SUMF1: variants seen among roughly 807,000 people sequenced by gnomAD.
SUMF1 encodes the protein sulfatase modifying factor 1, also known as formylglycine-generating enzyme.
Under a neutral mutation model 47.6 loss-of-function variants are expected in SUMF1, and 48 were observed. The observed-to-expected ratio is 1.01, with a 90% CI of 0.80 to 1.28. The LOEUF is 1.28. Among genes scored for constraint, SUMF1 ranks in the 50% most tolerant of loss-of-function variants. The pLI, the probability that SUMF1 is intolerant of heterozygous loss-of-function variation, is 0.00. For missense variants in SUMF1, 571 were observed against 485.4 expected (o/e 1.18, Z -1.66); for synonymous variants, 230 against 192.1 (o/e 1.20, Z -1.63).
intron 8 of SUMF1, among the ~76,000 whole-genome samples, chr3:4,236,292 T>C (rs1696407812): frequency 6.6e-6 from 1 of 152,120 alleles, no homozygotes; most frequent in Non-Finnish European, 1.5e-5. Flanking sequence ...CTTTCTCATA[T>C]TCATATTGAT....
intron 9 of SUMF1, among the ~76,000 whole-genome samples, chr3:4,049,240 C>T (rs1695060968): frequency 6.6e-6 from 1 of 152,136 alleles, no homozygotes; most frequent in Non-Finnish European, 1.5e-5. Flanking sequence ...TTTCCAGTTG[C>T]CATGGCAGAA....
intron 7 of SUMF1, among the ~76,000 whole-genome samples, chr3:4,402,981 C>A (rs927610938): frequency 6.6e-6 from 1 of 152,188 alleles, no homozygotes; most frequent in African/African-American, 2.4e-5. Context: ...AGATACTGTT[C>A]TTCATTACTA....
At chr3:4,301,376 T>C (rs980535346) in intron 8 of SUMF1, among the ~76,000 whole-genome samples, 10 of 152,184 alleles carry the variant, frequency 6.6e-5, no homozygotes, top group Admixed American at 2.6e-4. Context: ...TAAGACAGAA[T>C]ATAGAAGGTA....
At chr3:4,284,466 AGGAGGAGAAGGAGGAGG>A (rs1697591476) in intron 8 of SUMF1, among the ~76,000 whole-genome samples, 1 of 144,054 alleles carries the variant, frequency 6.9e-6, no homozygotes, top group Non-Finnish European at 1.6e-5. Flanking sequence ...GAGGAGGAGG[AGGAGGAGAAGGAGGAGG>A]AGGAGGAGAG....
At chr3:4,163,660 G>A (rs1015514371) in intron 8 of SUMF1, among the ~76,000 whole-genome samples, 2 of 151,428 alleles carry the variant, frequency 1.3e-5, no homozygotes, top group Admixed American at 6.6e-5. Context: ...AAAGGTAAGT[G>A]CCATGCTCAA....
chr3:4,180,166 C>T lies in SUMF1; in HGVS notation c.1015-111421G>A, dbSNP rs147671654. Among the ~76,000 whole-genome samples the T allele has an allele frequency of 1.2e-4, 19 of 152,278 alleles. No individual in the cohort carries two copies. The East Asian group carries it at 2.7e-3, about 22-fold the overall frequency. ...CCTCAAGGATCTAGAACTAGAATTACCATTTAACCCAGCAATCCCATTACT... is the reference window on the plus strand; with the variant it reads ...CCTCAAGGATCTAGAACTAGAATTATCATTTAACCCAGCAATCCCATTACT... On this transcript the variant is annotated intron_variant and NMD_transcript_variant, in intron 8 of 12. Transcript: ENST00000448413.
intron 8 of SUMF1, among the ~76,000 whole-genome samples, chr3:4,217,509 AT>A (rs1211193043): frequency 1.4e-5 from 1 of 71,078 alleles, no homozygotes; most frequent in African/African-American, 8.4e-5. Flanking sequence ...AACTTAAAGT[AT>A]TTTTTATATA....
chr3:4,308,733 A>C (rs1237524106), intron 8 of SUMF1, among the ~76,000 whole-genome samples: 2 of 152,212 alleles, frequency 1.3e-5, no homozygotes, highest in Non-Finnish European at 2.9e-5. Context: ...GACCATAGTC[A>C]CAGAGTTTTC....
intron 8 of SUMF1, among the ~76,000 whole-genome samples, chr3:4,171,874 A>T (rs747078004): frequency 2.6e-5 from 4 of 152,128 alleles, no homozygotes; most frequent in Non-Finnish European, 5.9e-5. Flanking sequence ...GAAGGTGTAG[A>T]GAGGAATGAG....
intron 8 of SUMF1, among the ~76,000 whole-genome samples, chr3:4,214,930 G>A (rs62258067): frequency 4.6e-3 from 704 of 151,946 alleles, no homozygotes; most frequent in Non-Finnish European, 6.7e-3. Context: ...AAAAAGTTCC[G>A]GGACCATATG....
At chr3:4,370,956 C>A (rs912759497) in intron 8 of SUMF1, among the ~76,000 whole-genome samples, 1 of 152,130 alleles carries the variant, frequency 6.6e-6, no homozygotes, top group South Asian at 2.1e-4. Context: ...AAGAATTAAA[C>A]CCTAAAAAGC....
At chr3:4,358,830 T>A (rs1459205934), downstream of SUMF1, among the ~76,000 whole-genome samples, 1 of 152,182 alleles carries the variant, frequency 6.6e-6, no homozygotes, top group Non-Finnish European at 1.5e-5. Flanking sequence ...TGATCTCCAT[T>A]AGAAGCATAT....
chr3:4,436,958 T>A (rs1702423470), intron 3 of SUMF1, among the ~76,000 whole-genome samples: 1 of 152,134 alleles, frequency 6.6e-6, no homozygotes, highest in Admixed American at 6.5e-5. Flanking sequence ...ATAATGCCTT[T>A]AGTGTGCCAA....
intron 8 of SUMF1, among the ~76,000 whole-genome samples, chr3:4,312,713 A>AAC (rs1394918161): frequency 6.6e-6 from 1 of 151,610 alleles, no homozygotes; most frequent in African/African-American, 2.4e-5. Context: ...TAAAAAAAAA[A>AAC]AAAAAAAACT....
Position 4,046,643 on chromosome 3 carries a change from C to T in SUMF1, c.1191+21926G>A, listed in dbSNP as rs148322393. Among the ~76,000 whole-genome samples, 71 of 152,262 alleles carry T rather than the reference C, an allele frequency of 4.7e-4. 1 individual carries two copies. The highest frequency in any genetic ancestry group is 1.4e-3 in the African/African-American group (57 of 41,546). On this transcript the variant is annotated intron_variant and NMD_transcript_variant, in intron 9 of 12. Transcript: ENST00000448413. ...TCTTTCCCAGCATCCTGCAAAATCTCGCTCCAAATATAGCTCCAGTTTGTC... is the reference window on the plus strand; with the variant it reads ...TCTTTCCCAGCATCCTGCAAAATCTTGCTCCAAATATAGCTCCAGTTTGTC...
chr3:4,457,056 G>A (rs2079673164), intron 1 of SUMF1, among the ~76,000 whole-genome samples: 1 of 99,536 alleles, frequency 1.0e-5, no homozygotes, highest in Non-Finnish European at 2.5e-5. Context: ...ATATACGTGT[G>A]TGTATATATA....
intron 8 of SUMF1, among the ~76,000 whole-genome samples, chr3:4,332,867 C>T (rs1334062154): frequency 6.6e-6 from 1 of 152,110 alleles, no homozygotes; most frequent in African/African-American, 2.4e-5. Flanking sequence ...TGCCGCCTAT[C>T]CTGTACCCAT....
intron 8 of SUMF1, among the ~76,000 whole-genome samples, chr3:4,174,099 G>A (rs1262446635): frequency 6.6e-6 from 1 of 152,088 alleles, no homozygotes; most frequent in Non-Finnish European, 1.5e-5. Context: ...GCTCACGCCT[G>A]TAATCCCAGC....
rs1346873498 is a variant in SUMF1 at position 4,418,112 on chromosome 3, T to C, written c.623A>G (p.His208Arg). 2 of 1,613,762 alleles carry C rather than the reference T, an allele frequency of 1.2e-6. No homozygotes were observed. Among genetic ancestry groups the C allele is most frequent in the Non-Finnish European group, 1.7e-6 (2 of 1,179,900 alleles). ...ILHRPDHPVLHVSWNDAVAYC... is the reference protein window; with the variant it reads ...ILHRPDHPVLRVSWNDAVAYC... The stretch of plus-strand genomic sequence containing the variant: ...GGCAACCGCATCATTCCAGGACACA[T>C]GGAGAACTGGATGATCCGGCCTGGG... The change falls in exon 5 of 9, where the codon CAT becomes CGT. Residue 208 changes from histidine (H) to arginine (R), a missense_variant. His to Arg is a conservative substitution (Grantham distance 29). Transcript: ENST00000272902.
Sources: gnomAD v4.1 joint callset for allele counts (sites outside exome capture counted in the v4.1 genomes callset) on GRCh38, gnomAD v4.1.1 for gene constraint, MANE v1.5 for transcripts, NCBI Gene and HGNC (gene_info 2026-07-23, HGNC 2026-07-21) for gene names.